CSMD3: variants seen among roughly 807,000 people sequenced by gnomAD.
CSMD3 encodes the protein CUB and sushi domain-containing protein 3.
CSMD3 carries 177 observed loss-of-function variants against 435.2 expected under a neutral mutation model. That is an observed-to-expected ratio of 0.41 (90% CI 0.36 to 0.46). The LOEUF is 0.46. Among genes scored for constraint, CSMD3 ranks in the 20% least tolerant of loss-of-function variants. The pLI, the probability that CSMD3 is intolerant of heterozygous loss-of-function variation, is 0.34. For missense variants in CSMD3, 4,265 were observed against 4,504.6 expected, an observed-to-expected ratio of 0.95 and a Z score of 1.52; for synonymous variants, 1,656 against 1,520.5, an observed-to-expected ratio of 1.09 and a Z score of -2.07.
At chr8:113,060,465 G>T (rs936367311) in intron 5 of CSMD3, among the ~76,000 whole-genome samples, 4 of 151,896 alleles carry the variant, frequency 2.6e-5, no homozygotes, top group Non-Finnish European at 5.9e-5. Flanking sequence ...TAATGTCAAG[G>T]TTTATGTGGA....
intron 4 of CSMD3, among the ~76,000 whole-genome samples, chr8:113,153,346 G>A (rs968114988): frequency 6.6e-6 from 1 of 152,042 alleles, no homozygotes; most frequent in African/African-American, 2.4e-5. Flanking sequence ...CATCTATTAT[G>A]TGAGAATTCA....
chr8:113,233,036 T>C (rs1356600047), intron 3 of CSMD3, among the ~76,000 whole-genome samples: 3 of 151,942 alleles, frequency 2.0e-5, no homozygotes, highest in Non-Finnish European at 2.9e-5. Context: ...ATTTTAACAA[T>C]TGATTCTCAC....
At chr8:112,955,791 A>C (rs1231686959) in intron 7 of CSMD3, among the ~76,000 whole-genome samples, 1 of 151,962 alleles carries the variant, frequency 6.6e-6, no homozygotes, top group Non-Finnish European at 1.5e-5. Flanking sequence ...GAAGGATGAC[A>C]GCCTTAAATG....
chr8:112,440,474 G>A (rs1038953759), intron 32 of CSMD3, among the ~76,000 whole-genome samples: 4 of 152,076 alleles, frequency 2.6e-5, no homozygotes, highest in African/African-American at 9.7e-5. Context: ...TACCATTGTG[G>A]GATCTGCAGG....
At chr8:112,270,373 T>TGTGTGTGTTAGGGGTGA (rs1422461408) in intron 59 of CSMD3, among the ~76,000 whole-genome samples, 4 of 150,774 alleles carry the variant, frequency 2.7e-5, no homozygotes, top group African/African-American at 9.7e-5. Flanking sequence ...TGTGTGTGTG[T>TGTGTGTGTTAGGGGTGA]GTGTGTGTGT....
intron 1 of CSMD3, among the ~76,000 whole-genome samples, chr8:113,328,690 T>C (rs185443851): frequency 6.7e-6 from 1 of 150,134 alleles, no homozygotes; most frequent in East Asian, 2.0e-4. Flanking sequence ...GTATTTAAAA[T>C]ACCATGTTTT....
intron 1 of CSMD3, 115 bp downstream of exon 1, chr8:113,436,562 A>T: frequency 1.2e-6 from 1 of 842,872 alleles, no homozygotes. Flanking sequence ...CAACTCCTTT[A>T]GTATTATCAG....
At chr8:112,242,536 A>C (rs941570592) in intron 65 of CSMD3, among the ~76,000 whole-genome samples, 55 of 152,102 alleles carry the variant, frequency 3.6e-4, no homozygotes, top group African/African-American at 1.3e-3. Flanking sequence ...AGAGTATGAT[A>C]GCAGTGACAA....
intron 5 of CSMD3, among the ~76,000 whole-genome samples, chr8:113,023,871 T>C (rs1216507698): frequency 6.6e-6 from 1 of 152,148 alleles, no homozygotes; most frequent in Non-Finnish European, 1.5e-5. Context: ...AATGATCAAA[T>C]CAGAGTAATT....
chr8:112,995,913 C>G (rs906530711), intron 6 of CSMD3, among the ~76,000 whole-genome samples: 7 of 151,366 alleles, frequency 4.6e-5, no homozygotes, highest in African/African-American at 1.7e-4. Context: ...TTAAGTTGCC[C>G]TTCTATCTTA....
Position 112,223,880 on chromosome 8 carries a change from G to A in CSMD3, c.*891C>T, listed in dbSNP as rs1812351276. On this transcript the variant is annotated 3_prime_UTR_variant, in exon 71 of 71. Transcript: ENST00000297405. The stretch of plus-strand genomic sequence containing the variant: ...TGTAAAATAAAGGATGGTAAGTTTG[G>A]TGTCTCAGATAACTGCAAAATAATA... The A allele has an allele frequency of 6.6e-6, 1 of 152,102 alleles. No individual in the cohort carries two copies. The highest frequency in any genetic ancestry group is 2.4e-5 in the African/African-American group (1 of 41,434). The allele number at this position is 152,102 out of a possible 1,614,324, so 9.4% of individuals were successfully genotyped here. A position where few individuals can be genotyped will look rare whatever the true frequency, so the allele number is the denominator to read the frequency against.
At chr8:113,301,527 T>C (rs574528858) in intron 2 of CSMD3, among the ~76,000 whole-genome samples, 7 of 152,060 alleles carry the variant, frequency 4.6e-5, no homozygotes, top group Non-Finnish European at 1.0e-4. Flanking sequence ...GATTAGTTTA[T>C]GTTTTTTTTT....
At chr8:113,050,352 C>T (rs1475965237) in intron 5 of CSMD3, among the ~76,000 whole-genome samples, 1 of 151,882 alleles carries the variant, frequency 6.6e-6, no homozygotes. Flanking sequence ...ATTTAAGATG[C>T]TCAGATATAT....
At chr8:113,382,608 T>C (rs1325564243) in intron 1 of CSMD3, among the ~76,000 whole-genome samples, 2 of 152,198 alleles carry the variant, frequency 1.3e-5, no homozygotes, top group Admixed American at 1.3e-4. Context: ...GAGGAAATCC[T>C]GTGAGTCTAT....
chr8:113,433,357 G>T (rs1586196376), intron 1 of CSMD3, among the ~76,000 whole-genome samples: 1 of 152,184 alleles, frequency 6.6e-6, no homozygotes, highest in East Asian at 1.9e-4. Context: ...CACACGCGGG[G>T]CTGAAAGCTC....
chr8:112,922,683 G>A (rs1053871096), intron 9 of CSMD3, among the ~76,000 whole-genome samples: 3 of 152,048 alleles, frequency 2.0e-5, no homozygotes, highest in Admixed American at 1.3e-4. Context: ...TTCCACCCAC[G>A]TTGTTGCAAA....
chr8:112,423,138 T>A (rs903634970), intron 32 of CSMD3, among the ~76,000 whole-genome samples: 1 of 151,990 alleles, frequency 6.6e-6, no homozygotes, highest in Non-Finnish European at 1.5e-5. Context: ...CTTTGATAGT[T>A]ATTTTTTTTT....
chr8:112,555,278 T>C lies in CSMD3; in HGVS notation c.4234+1485A>G, dbSNP rs932251609. On this transcript the variant is annotated intron_variant, in intron 25 of 70. Transcript: ENST00000297405. ...AAACCTTTCCAAAAAGTAGAGAATA[T>C]CTTCAGCTTGTTTCAACACACATAA... Among the ~76,000 whole-genome samples, 7 of 151,974 alleles carry C rather than the reference T, an allele frequency of 4.6e-5. No homozygotes were observed. The Admixed American group carries it at 4.6e-4, about 10-fold the overall frequency.
At chr8:112,446,052 T>A (rs1177913178) in intron 32 of CSMD3, among the ~76,000 whole-genome samples, 3 of 152,200 alleles carry the variant, frequency 2.0e-5, no homozygotes, top group Non-Finnish European at 2.9e-5. Context: ...AATTTAATAT[T>A]TTCTATATTT....
Sources: gnomAD v4.1 joint callset for allele counts (sites outside exome capture counted in the v4.1 genomes callset) on GRCh38, gnomAD v4.1.1 for gene constraint, MANE v1.5 for transcripts, NCBI Gene and HGNC (gene_info 2026-07-23, HGNC 2026-07-21) for gene names.